Variants in XPO4 observed in about 807,000 individuals in gnomAD.
XPO4 encodes the protein exportin-4.
Under a neutral mutation model 143.0 loss-of-function variants are expected in XPO4, and 39 were observed. The ratio of observed to expected loss-of-function variants is 0.27; its 90% CI spans 0.21 to 0.36. The LOEUF (loss-of-function observed/expected upper bound fraction) is 0.36, where lower values mean the gene tolerates loss of function less well. Among genes scored for constraint, XPO4 ranks in the 10% least tolerant of loss-of-function variants. The probability of loss-of-function intolerance (pLI) is 1.00; values close to 1 mark genes in which losing one functional copy is unlikely to be tolerated. For missense variants in XPO4, 907 were observed against 1,348.0 expected (o/e 0.67, Z 5.12); for synonymous variants, 439 against 474.0 (o/e 0.93, Z 0.96).
intron 20 of XPO4, 24 bp downstream of exon 20, chr13:20,788,462 C>T (rs1469111577): frequency 1.3e-6 from 2 of 1,599,832 alleles, no homozygotes; most frequent in South Asian, 2.3e-5. Flanking sequence ...TAACAAGTAA[C>T]AGTGATGTTC....
intron 22 of XPO4, among the ~76,000 whole-genome samples, 191 bp downstream of exon 22, chr13:20,786,774 A>G (rs934332687): frequency 6.6e-6 from 1 of 152,242 alleles, no homozygotes; most frequent in African/African-American, 2.4e-5. Flanking sequence ...ACTGACAAAC[A>G]GCTGTCAGAT....
intron 6 of XPO4, among the ~76,000 whole-genome samples, chr13:20,828,650 A>T (rs1346535992): frequency 6.6e-6 from 1 of 152,202 alleles, no homozygotes; most frequent in Non-Finnish European, 1.5e-5. Flanking sequence ...TATTCGACTG[A>T]TTAACAAAAG....
rs190878940 is a variant in XPO4 at position 20,780,654 on chromosome 13, T to C, written c.*3068A>G. The C allele has an allele frequency of 1.3e-5, 2 of 152,248 alleles. No individual in the cohort carries two copies. The highest frequency in any genetic ancestry group is 1.5e-5 in the Non-Finnish European group (1 of 68,010). 9.4% of individuals were successfully genotyped at this position (152,248 alleles called of 1,614,324 possible). On this transcript the variant is annotated 3_prime_UTR_variant, in exon 23 of 23. Coordinates refer to ENST00000255305, the MANE Select transcript of XPO4 (RefSeq NM_022459.5). ...CGAAATAAGACTAAATTCTTAAAAT[T>C]AGTTTGAAAAAAACCTGCAGTTTGT...
In XPO4 at chr13:20,809,076, T is replaced by C. The variant is rs1318801021; in HGVS notation, c.1493+7A>G. The C allele has an allele frequency of 6.2e-7, 1 of 1,613,224 alleles. No individual in the cohort carries two copies. The highest frequency in any genetic ancestry group is 8.5e-7 in the Non-Finnish European group (1 of 1,179,544). On this transcript the variant is annotated splice_region_variant and intron_variant, in intron 11 of 22. Coordinates refer to ENST00000255305, the MANE Select transcript of XPO4 (RefSeq NM_022459.5). ...TGCTCCATGGGGTTTCTTTGGACTG[T>C]GTGTACCTTGTCAGAAGAGGTATAC...
intron 1 of XPO4, chr13:20,869,702 T>C (rs1265484145): frequency 1.8e-6 from 1 of 566,088 alleles, no homozygotes; most frequent in Non-Finnish European, 2.2e-6. Flanking sequence ...ACTGTGAATC[T>C]CTGGCTTCAG....
At chr13:20,785,984 A>T (rs1170426694) in intron 22 of XPO4, among the ~76,000 whole-genome samples, 2 of 137,684 alleles carry the variant, frequency 1.5e-5, no homozygotes, top group Non-Finnish European at 1.6e-5. Context: ...GAGAGGAAGG[A>T]AGGAAGGAAG....
chr13:20,809,399 C>A (rs1198122399), intron 10 of XPO4, among the ~76,000 whole-genome samples, 174 bp from the exon 11 acceptor site: 2 of 151,978 alleles, frequency 1.3e-5, no homozygotes, highest in Non-Finnish European at 2.9e-5. Context: ...ATGCTGACAG[C>A]CGTGGTAGTT....
intron 6 of XPO4, among the ~76,000 whole-genome samples, chr13:20,842,670 T>G (rs1487502297): frequency 6.6e-6 from 1 of 152,244 alleles, no homozygotes; most frequent in Non-Finnish European, 1.5e-5. Context: ...TTTCTATGTA[T>G]TCAAACTTCT....
In XPO4 at chr13:20,783,535, T is replaced by C; in HGVS notation, c.*187A>G. Reference sequence around the variant, plus strand: ...TATATGACAGATTGTGGCTAACACTTAACAGCAGAAGCTGATGCCAAGTTG... The same window carrying C: ...TATATGACAGATTGTGGCTAACACTCAACAGCAGAAGCTGATGCCAAGTTG... On this transcript the variant is annotated 3_prime_UTR_variant, in exon 23 of 23. Transcript: ENST00000255305. 1 of 615,588 alleles carries C rather than the reference T, an allele frequency of 1.6e-6. No individual in the cohort carries two copies. The highest frequency in any genetic ancestry group is 2.9e-6 in the Non-Finnish European group (1 of 348,482). 38.1% of individuals were successfully genotyped at this position (615,588 alleles called of 1,614,324 possible).
chr13:20,837,359 G>A (rs1336583669), intron 6 of XPO4, among the ~76,000 whole-genome samples: 1 of 152,102 alleles, frequency 6.6e-6, no homozygotes, highest in Non-Finnish European at 1.5e-5. Context: ...TCCTAGTTGA[G>A]AATCAATGTT....
At chr13:20,901,980 C>T (rs2060624314) in intron 1 of XPO4, 1 of 735,496 alleles carries the variant, frequency 1.4e-6, no homozygotes, top group Admixed American at 6.3e-5. Flanking sequence ...CCTTAGTAAA[C>T]AATCTCATCA....
chr13:20,853,911 G>A (rs754585239), intron 4 of XPO4, among the ~76,000 whole-genome samples: 23 of 152,128 alleles, frequency 1.5e-4, no homozygotes, highest in Admixed American at 8.5e-4. Flanking sequence ...AGTTCTACTG[G>A]ACAGCACTAC....
intron 6 of XPO4, 131 bp downstream of exon 6, chr13:20,842,764 T>C: frequency 1.2e-6 from 1 of 833,886 alleles, no homozygotes. Flanking sequence ...AATTAAATTC[T>C]ATTTCTTAAA....
At chr13:20,879,438 C>A in intron 1 of XPO4, 1 of 527,146 alleles carries the variant, frequency 1.9e-6, no homozygotes, top group Non-Finnish European at 2.4e-6. Context: ...TTGCCCATCA[C>A]AACAGGACCC....
intron 9 of XPO4, among the ~76,000 whole-genome samples, chr13:20,814,857 T>C (rs914741327): frequency 1.3e-5 from 2 of 152,234 alleles, no homozygotes; most frequent in Non-Finnish European, 2.9e-5. Context: ...ATGCCCATAA[T>C]TACCTTGGAA....
In XPO4 at chr13:20,800,840, C is replaced by G. The variant is rs999443162; in HGVS notation, c.1968G>C (p.Leu656=). 1 of 1,613,420 alleles carries G rather than the reference C, an allele frequency of 6.2e-7. No homozygotes were observed. Among genetic ancestry groups the G allele is most frequent in the African/African-American group, 1.3e-5 (1 of 74,854 alleles). Residue 656 remains leucine, a synonymous_variant, in exon 14 of 23, where the codon CTG becomes CTC. Coordinates refer to ENST00000255305, the MANE Select transcript of XPO4 (RefSeq NM_022459.5). ...AKTYLLVDEK[L]YDQISLPFST... ...AGTTTTACATTCTGACCTGATCATACAGTTTTTCATCCACCAGGAGATAAG... is the reference window on the plus strand; with the variant it reads ...AGTTTTACATTCTGACCTGATCATAGAGTTTTTCATCCACCAGGAGATAAG...
intron 20 of XPO4, 72 bp downstream of exon 20, chr13:20,788,414 A>T: frequency 2.6e-6 from 4 of 1,549,292 alleles, no homozygotes; most frequent in Non-Finnish European, 3.5e-6. Context: ...ATGTAAACTT[A>T]AAAAACTTTT....
intron 9 of XPO4, among the ~76,000 whole-genome samples, chr13:20,816,798 T>C (rs2059655982): frequency 1.3e-5 from 2 of 152,256 alleles, no homozygotes; most frequent in South Asian, 4.1e-4. Flanking sequence ...ATTAAAACAA[T>C]TCTTAAAACA....
chr13:20,866,963 G>C (rs892571175), intron 2 of XPO4, among the ~76,000 whole-genome samples: 1 of 152,152 alleles, frequency 6.6e-6, no homozygotes, highest in Non-Finnish European at 1.5e-5. Flanking sequence ...ATGTCGTTAA[G>C]GCATATGCCA....
Sources: gnomAD v4.1 joint callset for allele counts (sites outside exome capture counted in the v4.1 genomes callset) on GRCh38, gnomAD v4.1.1 for gene constraint, MANE v1.5 for transcripts, NCBI Gene and HGNC (gene_info 2026-07-23, HGNC 2026-07-21) for gene names.